VAT1L: variants seen among roughly 807,000 people sequenced by gnomAD.
The protein encoded by VAT1L is vesicle amine transport 1 like.
Under a neutral mutation model 44.1 loss-of-function variants are expected in VAT1L, and 34 were observed. That is an observed-to-expected ratio of 0.77 (90% CI 0.59 to 1.03). The LOEUF (loss-of-function observed/expected upper bound fraction) is 1.03, where lower values mean the gene tolerates loss of function less well. Ranked by LOEUF, VAT1L falls within the 50% of genes least tolerant of loss-of-function variation. VAT1L has a pLI of 0.00. For missense variants in VAT1L, 615 were observed against 538.8 expected (o/e 1.14, Z -1.40); for synonymous variants, 253 against 202.2 (o/e 1.25, Z -2.13).
At chr16:77,827,204 G>T (rs2145248279) in intron 3 of VAT1L, among the ~76,000 whole-genome samples, 1 of 152,324 alleles carries the variant, frequency 6.6e-6, no homozygotes, top group East Asian at 1.9e-4. Flanking sequence ...TCTGTTAACA[G>T]CAAGCAAGCC....
chr16:77,937,223 C>T (rs2017810841), intron 7 of VAT1L, among the ~76,000 whole-genome samples: 1 of 152,288 alleles, frequency 6.6e-6, no homozygotes. Flanking sequence ...TAGCCCCAGC[C>T]TGAGCCTCAC....
chr16:77,917,638 C>T lies in VAT1L; in HGVS notation c.1077+32836C>T, dbSNP rs200019103. 5.3e-5 allele frequency among the ~76,000 whole-genome samples: 8 copies of T among 152,234 alleles called. No homozygotes were observed. In the East Asian group the frequency reaches 1.2e-3, roughly 22 times the overall value. On this transcript the variant is annotated intron_variant, in intron 7 of 8. Coordinates refer to ENST00000302536, the MANE Select transcript of VAT1L (RefSeq NM_020927.3). ...GGCTACAGATAAGAAAACGGAGACT[C>T]GAAAGAACTGGTAGAGGATGGAGTA...
At chr16:77,894,423 G>C (rs1320532807) in intron 7 of VAT1L, among the ~76,000 whole-genome samples, 1 of 152,142 alleles carries the variant, frequency 6.6e-6, no homozygotes, top group African/African-American at 2.4e-5. Flanking sequence ...GTGCAGGGAG[G>C]ACAGGCCAAC....
chr16:77,866,210 G>T (rs1307338585), intron 4 of VAT1L, among the ~76,000 whole-genome samples: 6 of 152,192 alleles, frequency 3.9e-5, no homozygotes, highest in African/African-American at 1.4e-4. Context: ...CTGCTTCATT[G>T]TAAGTGCTCA....
At chr16:77,843,208 G>C (rs1446483043) in intron 3 of VAT1L, among the ~76,000 whole-genome samples, 1 of 152,198 alleles carries the variant, frequency 6.6e-6, no homozygotes, top group Admixed American at 6.5e-5. Context: ...TATTGTGGGA[G>C]CATCAAGGTG....
At chr16:77,907,374 C>T (rs2017448694) in intron 7 of VAT1L, among the ~76,000 whole-genome samples, 1 of 152,178 alleles carries the variant, frequency 6.6e-6, no homozygotes, top group East Asian at 1.9e-4. Context: ...CTGTGTTTGA[C>T]AACCTGGTAC....
chr16:77,876,555 T>G, intron 5 of VAT1L, 82 bp downstream of exon 5: 15 of 1,228,926 alleles, frequency 1.2e-5, no homozygotes, highest in Non-Finnish European at 1.8e-5. Context: ...AAAAGTGAAT[T>G]GTGCTGATAT....
rs116187767 is a variant in VAT1L, at chr16:77,974,366, G to A, written c.1161+2433G>A. On this transcript the variant is annotated intron_variant, in intron 8 of 8. Coordinates refer to ENST00000302536, the MANE Select transcript of VAT1L (RefSeq NM_020927.3). ...GCTTATGGCTTTCAAGAAAATAGTTGGCACCAATTTCCCACCCTGGGATGC... is the reference window on the plus strand; with the variant it reads ...GCTTATGGCTTTCAAGAAAATAGTTAGCACCAATTTCCCACCCTGGGATGC... 2.8e-3 allele frequency among the ~76,000 whole-genome samples: 423 copies of A among 152,234 alleles called. 2 individuals are homozygous for A. Among genetic ancestry groups the A allele is most frequent in the African/African-American group, 9.5e-3 (394 of 41,540 alleles).
At chr16:77,900,836 T>TC (rs548728151) in intron 7 of VAT1L, among the ~76,000 whole-genome samples, 2 of 151,816 alleles carry the variant, frequency 1.3e-5, no homozygotes, top group South Asian at 4.2e-4. Flanking sequence ...TGACCACCAC[T>TC]CCCCCCGCAA....
intron 7 of VAT1L, among the ~76,000 whole-genome samples, chr16:77,887,274 T>C (rs1185979193): frequency 6.6e-6 from 1 of 152,144 alleles, no homozygotes; most frequent in African/African-American, 2.4e-5. Context: ...GATGGAAATT[T>C]GGGTTTTACT....
intron 3 of VAT1L, among the ~76,000 whole-genome samples, chr16:77,851,861 G>A (rs2016811594): frequency 6.6e-6 from 1 of 152,104 alleles, no homozygotes; most frequent in Non-Finnish European, 1.5e-5. Context: ...AGTCCATATT[G>A]TCGTGTTTCC....
intron 1 of VAT1L, among the ~76,000 whole-genome samples, chr16:77,804,433 T>G (rs1403684350): frequency 6.6e-6 from 1 of 152,198 alleles, no homozygotes; most frequent in Non-Finnish European, 1.5e-5. Context: ...ATTCTCAATA[T>G]GTCTCCTGGC....
chr16:77,925,710 A>G (rs971606997), intron 7 of VAT1L, among the ~76,000 whole-genome samples: 4 of 152,166 alleles, frequency 2.6e-5, no homozygotes, highest in African/African-American at 7.2e-5. Flanking sequence ...ATCTAGAGAG[A>G]CTACAGGAAA....
At chr16:77,856,947 T>A (rs570505552) in intron 3 of VAT1L, among the ~76,000 whole-genome samples, 16 of 152,262 alleles carry the variant, frequency 1.1e-4, no homozygotes, top group South Asian at 2.1e-4. Context: ...TGAATCCCCA[T>A]GTTTACGTAT....
At chr16:77,811,602 G>C (rs1017552016) in intron 1 of VAT1L, among the ~76,000 whole-genome samples, 1 of 152,040 alleles carries the variant, frequency 6.6e-6, no homozygotes, top group African/African-American at 2.4e-5. Context: ...TTCTCGCTTG[G>C]TCTCACCTCC....
intron 7 of VAT1L, among the ~76,000 whole-genome samples, chr16:77,891,502 G>T (rs2017265682): frequency 6.6e-6 from 1 of 152,132 alleles, no homozygotes; most frequent in African/African-American, 2.4e-5. Flanking sequence ...TTTTTGGGGA[G>T]GTAGGAAAAA....
intron 7 of VAT1L, among the ~76,000 whole-genome samples, chr16:77,894,536 G>T (rs2017301096): frequency 6.6e-6 from 1 of 152,160 alleles, no homozygotes; most frequent in Non-Finnish European, 1.5e-5. Flanking sequence ...GCCAATTCGT[G>T]GTTGCCTAGG....
chr16:77,864,969 T>C (rs2016956934), intron 4 of VAT1L, among the ~76,000 whole-genome samples: 2 of 70,620 alleles, frequency 2.8e-5, no homozygotes, highest in Admixed American at 1.6e-4. Flanking sequence ...TTCTTATCCT[T>C]TTTTTTTTTT....
chr16:77,943,877 T>C (rs1038864596), intron 7 of VAT1L, among the ~76,000 whole-genome samples: 15 of 152,120 alleles, frequency 9.9e-5, no homozygotes, highest in African/African-American at 3.4e-4. Flanking sequence ...CACCCACAGG[T>C]GTAGAACCAG....
Sources: gnomAD v4.1 joint callset for allele counts (sites outside exome capture counted in the v4.1 genomes callset) on GRCh38, gnomAD v4.1.1 for gene constraint, MANE v1.5 for transcripts, NCBI Gene and HGNC (gene_info 2026-07-23, HGNC 2026-07-21) for gene names.